Variants in NXN observed in about 807,000 individuals in gnomAD.
The protein encoded by NXN is nucleoredoxin 1.
Under a neutral mutation model 48.6 loss-of-function variants are expected in NXN, and 16 were observed. That is an observed-to-expected ratio of 0.33 (90% CI 0.22 to 0.50). NXN has a LOEUF of 0.50. Among genes scored for constraint, NXN ranks in the 20% least tolerant of loss-of-function variants. The pLI is 0.98. For synonymous variants in NXN, 281 were observed against 269.6 expected (o/e 1.04, Z -0.41); for missense variants, 492 against 605.5 (o/e 0.81, Z 1.97).
chr17:833,176 C>T (rs1410858717), intron 1 of NXN, among the ~76,000 whole-genome samples: 1 of 152,178 alleles, frequency 6.6e-6, no homozygotes, highest in Non-Finnish European at 1.5e-5. Flanking sequence ...CAGGCATGAG[C>T]CACCGCACCC....
intron 1 of NXN, among the ~76,000 whole-genome samples, chr17:854,317 G>A (rs2067960748): frequency 6.6e-6 from 1 of 152,154 alleles, no homozygotes; most frequent in Non-Finnish European, 1.5e-5. Context: ...GACAGATATA[G>A]AACGATCCCA....
chr17:970,690 C>T (rs2069365303), intron 1 of NXN, among the ~76,000 whole-genome samples: 2 of 152,144 alleles, frequency 1.3e-5, no homozygotes, highest in Admixed American at 1.3e-4. Flanking sequence ...ACAGAAAGGA[C>T]CAAGTTGAAT....
intron 1 of NXN, among the ~76,000 whole-genome samples, chr17:869,665 T>G (rs2068130990): frequency 1.3e-5 from 2 of 152,242 alleles, no homozygotes; most frequent in South Asian, 4.1e-4. Flanking sequence ...GAAAGACTCC[T>G]TATTACAGAG....
intron 1 of NXN, among the ~76,000 whole-genome samples, chr17:961,195 A>G (rs1307589194): frequency 2.6e-5 from 4 of 151,956 alleles, no homozygotes; most frequent in Non-Finnish European, 1.5e-5. Context: ...GAAGTTCCTG[A>G]CCAGCCTGGC....
chr17:816,737 G>A (rs1912491437), intron 5 of NXN, among the ~76,000 whole-genome samples: 1 of 152,130 alleles, frequency 6.6e-6, no homozygotes, highest in South Asian at 2.1e-4. Context: ...GAATGCAATG[G>A]CATCCAGTCA....
chr17:832,918 A>C (rs1256142478), intron 1 of NXN, among the ~76,000 whole-genome samples: 1 of 150,122 alleles, frequency 6.7e-6, no homozygotes, highest in African/African-American at 2.5e-5. Context: ...TTTGAGACGG[A>C]GTCTCGCTGT....
intron 1 of NXN, among the ~76,000 whole-genome samples, chr17:886,608 C>A (rs977195797): frequency 5.9e-5 from 9 of 152,148 alleles, no homozygotes; most frequent in Admixed American, 3.3e-4. Flanking sequence ...GAAACCCCAT[C>A]TCTACTAAAA....
rs973630018 is a variant in NXN, at chr17:917,763, G to A, written c.360+61556C>T. On this transcript the variant is annotated intron_variant, in intron 1 of 7. Coordinates refer to ENST00000336868, the MANE Select transcript of NXN (RefSeq NM_022463.5). This position sits in a 1 kb window ranked among gnomAD's most constrained non-coding sequence, Gnocchi z 4.5. ...GGGGCGCGTACTGGCACAACAGGCG[G>A]GCGTGGCTCTCGCTCCCCAGGAAGG... Among the ~76,000 whole-genome samples, 2 of 152,196 alleles carry A rather than the reference G, an allele frequency of 1.3e-5. No homozygotes were observed. The highest frequency in any genetic ancestry group is 2.9e-5 in the Non-Finnish European group (2 of 68,044).
intron 1 of NXN, among the ~76,000 whole-genome samples, chr17:833,373 C>T (rs971124049): frequency 8.5e-5 from 13 of 152,216 alleles, no homozygotes; most frequent in Non-Finnish European, 1.5e-4. Context: ...AATCAGAAGG[C>T]GACCCTTCTG....
intron 1 of NXN, among the ~76,000 whole-genome samples, chr17:921,728 C>G (rs2068752333): frequency 6.8e-6 from 1 of 147,822 alleles, no homozygotes; most frequent in Non-Finnish European, 1.5e-5. Flanking sequence ...ATCCTCACTG[C>G]CCCTGGACAA....
chr17:841,246 C>T (rs1914159417), intron 1 of NXN, among the ~76,000 whole-genome samples: 2 of 152,224 alleles, frequency 1.3e-5, no homozygotes. Context: ...AAAGTCCATG[C>T]CAGGGCAACA....
At chr17:969,243 C>A (rs1222051019) in intron 1 of NXN, among the ~76,000 whole-genome samples, 20 of 152,162 alleles carry the variant, frequency 1.3e-4, no homozygotes, top group Admixed American at 1.3e-3. Flanking sequence ...CCCTAAGAGG[C>A]TGGTACCATC....
intron 1 of NXN, among the ~76,000 whole-genome samples, chr17:957,498 G>C (rs2069184382): frequency 1.3e-5 from 2 of 152,100 alleles, no homozygotes; most frequent in South Asian, 4.1e-4. Flanking sequence ...TGAGCGTGGT[G>C]GTGCACGCCT....
At chr17:845,977 T>C (rs190347746) in intron 1 of NXN, among the ~76,000 whole-genome samples, 221 of 151,644 alleles carry the variant, frequency 1.5e-3, no homozygotes, top group Non-Finnish European at 2.5e-3. Flanking sequence ...GCGGGAGAAT[T>C]GCTTGGAGGC....
chr17:954,493 C>A (rs2069145013), intron 1 of NXN, among the ~76,000 whole-genome samples: 2 of 152,216 alleles, frequency 1.3e-5, no homozygotes, highest in African/African-American at 2.4e-5. Flanking sequence ...AGGCTCAGGG[C>A]AAGCACGTGT....
At chr17:843,103 T>C (rs1914473191) in intron 1 of NXN, among the ~76,000 whole-genome samples, 1 of 151,936 alleles carries the variant, frequency 6.6e-6, no homozygotes, top group African/African-American at 2.4e-5. Context: ...CTGAAGTCAA[T>C]GAACAACAAC....
chr17:910,535 G>GAAGAA (rs1217072027), intron 1 of NXN, among the ~76,000 whole-genome samples: 1 of 151,642 alleles, frequency 6.6e-6, no homozygotes, highest in Non-Finnish European at 1.5e-5. Context: ...GTTTTTATTT[G>GAAGAA]TTTTTTAGAA....
intron 5 of NXN, among the ~76,000 whole-genome samples, chr17:813,387 G>C (rs369261579): frequency 9.9e-5 from 15 of 152,238 alleles, no homozygotes; most frequent in Admixed American, 7.8e-4. Flanking sequence ...AAGGAGAAAC[G>C]GCCCCCGGCT....
At chr17:927,729 G>A (rs1220676741) in intron 1 of NXN, among the ~76,000 whole-genome samples, 1 of 152,066 alleles carries the variant, frequency 6.6e-6, no homozygotes, top group African/African-American at 2.4e-5. Context: ...GTGGGAGACG[G>A]CATAACCAGC....
Sources: gnomAD v4.1 joint callset for allele counts (sites outside exome capture counted in the v4.1 genomes callset) on GRCh38, gnomAD v4.1.1 for gene constraint, Gnocchi (gnomAD v3.1) non-coding constraint, MANE v1.5 for transcripts, NCBI Gene and HGNC (gene_info 2026-07-23, HGNC 2026-07-21) for gene names.